CSPP1: variants seen among roughly 807,000 people sequenced by gnomAD.
CSPP1 encodes the protein centrosome and spindle pole-associated protein 1.
Under a neutral mutation model 164.4 loss-of-function variants are expected in CSPP1, and 126 were observed. That is an observed-to-expected ratio of 0.77 (90% CI 0.66 to 0.89). The LOEUF (loss-of-function observed/expected upper bound fraction) is 0.89, where lower values mean the gene tolerates loss of function less well. Among genes scored for constraint, CSPP1 ranks in the 40% least tolerant of loss-of-function variants. The probability of loss-of-function intolerance (pLI) is 0.00; values close to 1 mark genes in which losing one functional copy is unlikely to be tolerated. For missense variants in CSPP1, 1,395 were observed against 1,449.8 expected (o/e 0.96, Z 0.61); for synonymous variants, 472 against 476.7 (o/e 0.99, Z 0.13).
intron 1 of CSPP1, among the ~76,000 whole-genome samples, chr8:67,072,869 C>CAAAAA (rs58087584): frequency 3.4e-4 from 20 of 59,062 alleles, no homozygotes; most frequent in African/African-American, 5.2e-4. Flanking sequence ...GAGCCTGTCT[C>CAAAAA]AAAAAAAAAA....
intron 24 of CSPP1, among the ~76,000 whole-genome samples, chr8:67,171,380 A>T (rs903230287): frequency 1.3e-5 from 2 of 151,130 alleles, no homozygotes; most frequent in African/African-American, 4.8e-5. Flanking sequence ...CAGCCTGGCA[A>T]GAGAGCGAGA....
At chr8:67,084,980 A>G (rs1006686573) in intron 3 of CSPP1, among the ~76,000 whole-genome samples, 1 of 152,164 alleles carries the variant, frequency 6.6e-6, no homozygotes, top group African/African-American at 2.4e-5. Flanking sequence ...ACCTATTTAA[A>G]GTGTACAATT....
At chr8:67,149,568 C>T (rs1358472951) in intron 17 of CSPP1, among the ~76,000 whole-genome samples, 1 of 152,098 alleles carries the variant, frequency 6.6e-6, no homozygotes, top group East Asian at 1.9e-4. Context: ...CTTAATTTAT[C>T]TACTAATTGA....
Position 67,159,045 on chromosome 8 carries a change from G to A in CSPP1, c.2446G>A (p.Ala816Thr). ...GTTAGCTGAAGAAAGACAAAAAGAA[G>A]CAGAAAGAAAGAAGAAAGAAGAAGA... ...IRLAEERQKE[A>T]ERKKKEEEEK... is the part of the protein sequence containing the mutation. Residue 816 changes from alanine (A) to threonine (T), a missense_variant, in exon 21 of 31, where the codon GCA becomes ACA. Coordinates refer to ENST00000678616, the MANE Select transcript of CSPP1 (RefSeq NM_001382391.1). 1.9e-6 allele frequency: 3 copies of A among 1,612,358 alleles called. No individual in the cohort carries two copies. The highest frequency in any genetic ancestry group is 3.3e-5 in the Admixed American group (2 of 59,878).
intron 9 of CSPP1, among the ~76,000 whole-genome samples, chr8:67,109,171 C>T (rs1466900246): frequency 1.3e-5 from 2 of 152,208 alleles, no homozygotes; most frequent in Admixed American, 6.5e-5. Context: ...TTGAGTGGGG[C>T]AGAATCTTCC....
chr8:67,105,889 G>A lies in CSPP1; in HGVS notation c.1023-16G>A, dbSNP rs1194436770. The A allele has an allele frequency of 4.2e-6, 6 of 1,440,180 alleles. No homozygotes were observed. Among genetic ancestry groups the A allele is most frequent in the East Asian group, 2.3e-5 (1 of 43,970 alleles). The allele number at this position is 1,440,180 out of a possible 1,614,324, so 89.2% of individuals were successfully genotyped here. A position where few individuals can be genotyped will look rare whatever the true frequency, so the allele number is the denominator to read the frequency against. On this transcript the variant is annotated splice_polypyrimidine_tract_variant and intron_variant, in intron 8 of 30. Transcript: ENST00000678616. ...GGATTTTAATTTACTCTTTTTCTCT[G>A]TCTTTTTTTCTTTAGTGCTCCAGAC...
intron 1 of CSPP1, among the ~76,000 whole-genome samples, chr8:67,068,844 A>G (rs968843603): frequency 6.6e-6 from 1 of 152,226 alleles, no homozygotes; most frequent in Non-Finnish European, 1.5e-5. Context: ...AGTGTCTCCA[A>G]ACACAGACAA....
chr8:67,092,083 A>C (rs1213675555), intron 5 of CSPP1, among the ~76,000 whole-genome samples, 200 bp downstream of exon 5: 1 of 152,180 alleles, frequency 6.6e-6, no homozygotes, highest in Non-Finnish European at 1.5e-5. Context: ...GTAACCATAT[A>C]ATTTTATATT....
intron 30 of CSPP1, 74 bp downstream of exon 30, chr8:67,193,676 C>T: frequency 7.5e-7 from 1 of 1,327,074 alleles, no homozygotes; most frequent in East Asian, 2.4e-5. Context: ...AAGGCTTTCA[C>T]TAACGTCTGA....
chr8:67,156,882 A>C (rs544812403), intron 19 of CSPP1, among the ~76,000 whole-genome samples: 1 of 152,336 alleles, frequency 6.6e-6, no homozygotes, highest in Non-Finnish European at 1.5e-5. Flanking sequence ...TTTTTGTGTT[A>C]TGTAATTGGA....
intron 16 of CSPP1, chr8:67,133,834 T>C (rs541854386): frequency 6.6e-6 from 1 of 152,358 alleles, no homozygotes; most frequent in Admixed American, 6.5e-5. Context: ...ATCTTTGTTG[T>C]CATCTCAACA....
At position 67,095,608 on chromosome 8, in the gene CSPP1, C is replaced by T. The variant is rs114953032; in HGVS notation, c.799C>T (p.Arg267Cys). The T allele has an allele frequency of 1.9e-5, 31 of 1,613,710 alleles. No individual in the cohort carries two copies. In the Admixed American group the frequency reaches 3.3e-4, roughly 17 times the overall value. The change falls in exon 7 of 31, where the codon CGT becomes TGT. Residue 267 changes from arginine to cysteine, a missense_variant. Coordinates refer to ENST00000678616, the MANE Select transcript of CSPP1 (RefSeq NM_001382391.1). ...AAGATTTCACAGATTTAATGAGGAT[C>T]GTGTTTTTGATAGACGGTATCATAG... ...DRRFHRFNED[R>C]VFDRRYHRPD...
At chr8:67,166,727 G>T (rs963426903) in intron 24 of CSPP1, among the ~76,000 whole-genome samples, 3 of 142,398 alleles carry the variant, frequency 2.1e-5, no homozygotes, top group Non-Finnish European at 3.1e-5. Flanking sequence ...CAGTTTAACG[G>T]TTTTTTTTTT....
intron 15 of CSPP1, among the ~76,000 whole-genome samples, chr8:67,127,771 A>G (rs1439523397): frequency 6.6e-6 from 1 of 152,156 alleles, no homozygotes; most frequent in Non-Finnish European, 1.5e-5. Flanking sequence ...CATCCTCAGT[A>G]TAGTTGTTTT....
chr8:67,101,744 G>C (rs1454504455), intron 7 of CSPP1, among the ~76,000 whole-genome samples: 1 of 152,178 alleles, frequency 6.6e-6, no homozygotes, highest in Non-Finnish European at 1.5e-5. Context: ...TTTATATGCT[G>C]GTTCTGTGGA....
chr8:67,170,366 A>C (rs571499912), intron 24 of CSPP1, among the ~76,000 whole-genome samples: 77 of 151,808 alleles, frequency 5.1e-4, no homozygotes, highest in African/African-American at 1.7e-3. Flanking sequence ...CTGAGGCAGG[A>C]GAATTGCTTG....
chr8:67,155,133 T>G (rs1002256295), intron 19 of CSPP1, among the ~76,000 whole-genome samples: 4 of 152,310 alleles, frequency 2.6e-5, no homozygotes, highest in African/African-American at 2.4e-5. Context: ...GGGGGTACCC[T>G]GGGCTGAGTC....
intron 1 of CSPP1, among the ~76,000 whole-genome samples, chr8:67,073,024 C>T (rs1281094123): frequency 1.3e-5 from 2 of 152,042 alleles, no homozygotes; most frequent in Non-Finnish European, 2.9e-5. Flanking sequence ...GATTAAAACA[C>T]TCAGAGAGAT....
chr8:67,077,284 A>G (rs1808140319), intron 3 of CSPP1, among the ~76,000 whole-genome samples: 1 of 151,400 alleles, frequency 6.6e-6, no homozygotes, highest in African/African-American at 2.4e-5. Context: ...CTCCCAAAGT[A>G]CTACAATTAC....
Sources: gnomAD v4.1 joint callset for allele counts (sites outside exome capture counted in the v4.1 genomes callset) on GRCh38, gnomAD v4.1.1 for gene constraint, MANE v1.5 for transcripts, NCBI Gene and HGNC (gene_info 2026-07-23, HGNC 2026-07-21) for gene names.